C3orf49: variants seen among roughly 807,000 people sequenced by gnomAD.
C3orf49 encodes chromosome 3 open reading frame 49.
A neutral mutation model predicts 13.3 loss-of-function variants in C3orf49; 27 were observed. The ratio of observed to expected loss-of-function variants is 2.02; its 90% CI spans 1.49 to 2.79. C3orf49 has a LOEUF of 2.79. Among genes scored for constraint, C3orf49 ranks in the 30% most tolerant of loss-of-function variants. The pLI is 0.00. For synonymous variants in C3orf49, 87 were observed against 47.6 expected, an observed-to-expected ratio of 1.83 and a Z score of -3.40; for missense variants, 242 against 134.2, an observed-to-expected ratio of 1.80 and a Z score of -3.97.
intron 5 of C3orf49, chr3:63,835,094 CA>C: frequency 1.3e-6 from 2 of 1,520,718 alleles, no homozygotes; most frequent in Admixed American, 3.6e-5. Context: ...TCAAAAGGTA[CA>C]TCCCTGGGTC....
At chr3:63,829,372 A>G (rs1056363972) in intron 3 of C3orf49, among the ~76,000 whole-genome samples, 4 of 152,050 alleles carry the variant, frequency 2.6e-5, no homozygotes, top group African/African-American at 9.7e-5. Flanking sequence ...ATTCATACAG[A>G]AAAAAAATGA....
At chr3:63,788,759 A>G in the C3orf49 span, among the ~76,000 whole-genome samples, 1 of 151,998 alleles carries the variant, frequency 6.6e-6, no homozygotes, top group Non-Finnish European at 1.5e-5. Context: ...ACTGAGGTAC[A>G]GAAAGGTTAG....
At chr3:63,810,046 T>C in the C3orf49 span, among the ~76,000 whole-genome samples, 1 of 151,756 alleles carries the variant, frequency 6.6e-6, no homozygotes, top group African/African-American at 2.4e-5. Flanking sequence ...CTGGGAAGGC[T>C]GAGGCAGGAG....
chr3:63,822,599 G>A (rs553996026), intron 1 of C3orf49, among the ~76,000 whole-genome samples: 5 of 152,352 alleles, frequency 3.3e-5, no homozygotes, highest in African/African-American at 1.2e-4. Flanking sequence ...ACTTGGAAGA[G>A]TGTTTAGCAC....
chr3:63,812,117 A>G, the C3orf49 span, among the ~76,000 whole-genome samples: 1 of 152,006 alleles, frequency 6.6e-6, no homozygotes. Context: ...TTATTTTTTT[A>G]TGAGGATCCT....
chr3:63,831,997 C>G, intron 5 of C3orf49, 153 bp downstream of exon 5: 1 of 560,412 alleles, frequency 1.8e-6, no homozygotes, highest in Admixed American at 3.4e-5. Flanking sequence ...AGTTCAAAAC[C>G]AGCCTGGCCA....
At chr3:63,839,556 T>C (rs1484881984) in intron 5 of C3orf49, 3 of 996,826 alleles carry the variant, frequency 3.0e-6, no homozygotes, top group Admixed American at 1.8e-5. Context: ...CCACTGTACA[T>C]TTAAGGTGAG....
chr3:63,801,525 A>G, the C3orf49 span, among the ~76,000 whole-genome samples: 1 of 152,210 alleles, frequency 6.6e-6, no homozygotes, highest in African/African-American at 2.4e-5. Context: ...TCAAACAAAT[A>G]AATGAATAAT....
At chr3:63,784,204 G>T in the C3orf49 span, among the ~76,000 whole-genome samples, 1 of 152,280 alleles carries the variant, frequency 6.6e-6, no homozygotes, top group East Asian at 1.9e-4. Context: ...AAATCATACT[G>T]AGAAAAAGGA....
chr3:63,844,489 A>G (rs967278965), intron 5 of C3orf49, among the ~76,000 whole-genome samples: 3 of 152,216 alleles, frequency 2.0e-5, no homozygotes, highest in Non-Finnish European at 4.4e-5. Flanking sequence ...GTTATCTGTC[A>G]TTTTAAAATA....
chr3:63,783,283 T>C, the C3orf49 span, among the ~76,000 whole-genome samples: 4,014 of 152,210 alleles, frequency 0.026, 169 homozygotes, highest in African/African-American at 0.089. Context: ...CTAAACCAGT[T>C]TTCAATATCC....
the C3orf49 span, among the ~76,000 whole-genome samples, chr3:63,812,351 C>T: frequency 6.6e-6 from 1 of 152,068 alleles, no homozygotes; most frequent in Non-Finnish European, 1.5e-5. Context: ...TGTGTTGGAC[C>T]ACATCCAAAG....
At chr3:63,828,339 G>A (rs1025261181) in intron 3 of C3orf49, among the ~76,000 whole-genome samples, 3 of 152,070 alleles carry the variant, frequency 2.0e-5, no homozygotes, top group Non-Finnish European at 2.9e-5. Context: ...TCACTCTGTC[G>A]CCCAGGCTGG....
At chr3:63,797,424 C>T in the C3orf49 span, among the ~76,000 whole-genome samples, 1 of 152,128 alleles carries the variant, frequency 6.6e-6, no homozygotes, top group Non-Finnish European at 1.5e-5. Context: ...TCTCTTCCCT[C>T]TCCCAGAGAC....
At chr3:63,812,441 T>C in the C3orf49 span, among the ~76,000 whole-genome samples, 1 of 152,214 alleles carries the variant, frequency 6.6e-6, no homozygotes, top group Non-Finnish European at 1.5e-5. Flanking sequence ...GCATCTCCAC[T>C]GTGTGTCTCC....
chr3:63,839,694 ACT>A, intron 5 of C3orf49: 3 of 1,612,400 alleles, frequency 1.9e-6, no homozygotes, highest in Non-Finnish European at 2.5e-6. Context: ...ATTTAATGAA[ACT>A]CTTCACTAGC....
At chr3:63,848,175 TC>T (rs1290871323) in intron 6 of C3orf49, among the ~76,000 whole-genome samples, 188 bp from the exon 7 acceptor site, 1 of 152,212 alleles carries the variant, frequency 6.6e-6, no homozygotes, top group Non-Finnish European at 1.5e-5. Flanking sequence ...CTGTGGAGAA[TC>T]CCCTTCCCTT....
the C3orf49 span, among the ~76,000 whole-genome samples, chr3:63,812,369 G>A: frequency 6.6e-6 from 1 of 152,086 alleles, no homozygotes; most frequent in African/African-American, 2.4e-5. Context: ...AAGCCATCCT[G>A]GGTCACCTGT....
chr3:63,781,638 T>C, the C3orf49 span, among the ~76,000 whole-genome samples: 2 of 152,226 alleles, frequency 1.3e-5, no homozygotes, highest in Non-Finnish European at 2.9e-5. Context: ...ATTTTCAATA[T>C]TTAATAAACT....
Sources: gnomAD v4.1 joint callset for allele counts (sites outside exome capture counted in the v4.1 genomes callset) on GRCh38, gnomAD v4.1.1 for gene constraint, MANE v1.5 for transcripts, NCBI Gene and HGNC (gene_info 2026-07-23, HGNC 2026-07-21) for gene names.